SETBP1: variants seen among roughly 807,000 people sequenced by gnomAD.
SETBP1 encodes the protein SET-binding protein.
SETBP1 carries 9 observed loss-of-function variants against 101.0 expected under a neutral mutation model. The ratio of observed to expected loss-of-function variants is 0.09; its 90% confidence interval spans 0.05 to 0.16. The LOEUF (loss-of-function observed/expected upper bound fraction) is 0.16. SETBP1 is among the 10% of genes least tolerant of loss of function. SETBP1 has a pLI of 1.00. For missense variants in SETBP1, 1,858 were observed against 2,033.8 expected (o/e 0.91, Z 1.66); for synonymous variants, 818 against 788.5 (o/e 1.04, Z -0.63).
At chr18:44,792,734 C>T (rs763438697) in intron 2 of SETBP1, among the ~76,000 whole-genome samples, 12 of 152,170 alleles carry the variant, frequency 7.9e-5, no homozygotes, top group Non-Finnish European at 1.8e-4. Context: ...AGAAGTTTGC[C>T]TCCCACCTTT....
At chr18:45,035,046 C>T (rs2073369991) in intron 4 of SETBP1, among the ~76,000 whole-genome samples, 1 of 151,996 alleles carries the variant, frequency 6.6e-6, no homozygotes, top group Non-Finnish European at 1.5e-5. Flanking sequence ...TATCAGTCAC[C>T]ACCTGGAATG....
At chr18:44,731,758 G>A (rs530658186) in intron 2 of SETBP1, among the ~76,000 whole-genome samples, 4 of 152,140 alleles carry the variant, frequency 2.6e-5, no homozygotes, top group Admixed American at 6.5e-5. Flanking sequence ...TCTGCCACCC[G>A]ACAAACACGT....
intron 2 of SETBP1, among the ~76,000 whole-genome samples, chr18:44,795,759 A>C (rs7226442): frequency 3.9e-5 from 6 of 152,210 alleles, no homozygotes; most frequent in African/African-American, 1.2e-4. Context: ...ACATACATAC[A>C]CATGTGGCCT....
intron 4 of SETBP1, among the ~76,000 whole-genome samples, chr18:44,975,849 C>T (rs1001592875): frequency 1.3e-5 from 2 of 152,060 alleles, no homozygotes; most frequent in Non-Finnish European, 2.9e-5. Context: ...CTAATTTAAT[C>T]CCCTAAAATT....
chr18:45,032,522 A>G (rs1280805134), intron 4 of SETBP1, among the ~76,000 whole-genome samples: 7 of 152,178 alleles, frequency 4.6e-5, no homozygotes, highest in Non-Finnish European at 8.8e-5. Context: ...TCCTTCATTC[A>G]TCTCTTCACT....
chr18:44,903,860 C>A (rs2070109413), intron 3 of SETBP1, among the ~76,000 whole-genome samples: 2 of 152,172 alleles, frequency 1.3e-5, no homozygotes, highest in Admixed American at 1.3e-4. Flanking sequence ...TCTGGGAACT[C>A]TTTGAAACTT....
chr18:44,777,882 C>A (rs557127132), intron 2 of SETBP1, among the ~76,000 whole-genome samples: 3 of 152,230 alleles, frequency 2.0e-5, no homozygotes, highest in Non-Finnish European at 4.4e-5. Flanking sequence ...ATCAGAATGG[C>A]ACTGATTAGT....
rs202134217 is a variant in SETBP1, at chr18:44,701,327, G to T, written c.-20G>T. The T allele has an allele frequency of 1.4e-6, 2 of 1,464,978 alleles. No homozygotes were observed. Among genetic ancestry groups the T allele is most frequent in the South Asian group, 2.9e-5 (2 of 68,720 alleles). 90.7% of individuals were successfully genotyped at this position (1,464,978 alleles called of 1,614,324 possible). A position where few individuals can be genotyped will look rare whatever the true frequency, so the allele number is the denominator to read the frequency against. On this transcript the variant is annotated 5_prime_UTR_variant, in exon 2 of 6. Coordinates refer to ENST00000649279, the MANE Select transcript of SETBP1 (RefSeq NM_015559.3). ...TCCCCTTCCCCCTCCTGAGAACTCCGGAAGACTGTAGAGATTGTCATGGAG... is the reference window on the plus strand; with the variant it reads ...TCCCCTTCCCCCTCCTGAGAACTCCTGAAGACTGTAGAGATTGTCATGGAG...
intron 2 of SETBP1, among the ~76,000 whole-genome samples, chr18:44,830,556 T>C (rs1182793306): frequency 1.3e-5 from 2 of 152,324 alleles, no homozygotes; most frequent in South Asian, 4.1e-4. Context: ...GTTTCCTGTC[T>C]CTTTTTTGCC....
chr18:44,842,636 C>A (rs1289364365), intron 2 of SETBP1, among the ~76,000 whole-genome samples: 2 of 152,154 alleles, frequency 1.3e-5, no homozygotes, highest in African/African-American at 2.4e-5. Context: ...TCTACAGATT[C>A]GCAAAAGGGA....
intron 1 of SETBP1, among the ~76,000 whole-genome samples, chr18:44,690,243 A>G (rs1401369460): frequency 1.3e-5 from 2 of 152,254 alleles, no homozygotes; most frequent in South Asian, 2.1e-4. Context: ...TAATGACAGT[A>G]CAAGGTAGCT....
chr18:44,867,769 T>C (rs542748367), intron 2 of SETBP1, among the ~76,000 whole-genome samples: 67 of 152,290 alleles, frequency 4.4e-4, no homozygotes, highest in Admixed American at 2.1e-3. Context: ...TTTTACCTTC[T>C]CCACCTCTCT....
rs886053792 is a variant in SETBP1, at chr18:44,950,603, A to G, written c.1263A>G (p.Arg421=). 23 of 1,614,086 alleles carry G rather than the reference A, an allele frequency of 1.4e-5. 1 individual carries two copies. The East Asian group carries it at 3.3e-4, about 23-fold the overall frequency. Residue 421 remains arginine, a synonymous_variant, in exon 4 of 6, where the codon AGA becomes AGG. Coordinates refer to ENST00000649279, the MANE Select transcript of SETBP1 (RefSeq NM_015559.3). Reference sequence around the variant, plus strand: ...CAACCAACCATAAGAGGAAAAAAAGACAGTCCATTAAAGCGGTGGTGGAAA... The same window carrying G: ...CAACCAACCATAAGAGGAAAAAAAGGCAGTCCATTAAAGCGGTGGTGGAAA... ...LDPTNHKRKK[R]QSIKAVVEKI... is the part of the protein sequence containing the mutation.
intron 2 of SETBP1, among the ~76,000 whole-genome samples, chr18:44,797,615 C>A (rs1225359765): frequency 6.6e-6 from 1 of 152,118 alleles, no homozygotes; most frequent in Non-Finnish European, 1.5e-5. Flanking sequence ...AAAATGGTAG[C>A]TCTCTCTTGC....
chr18:45,016,802 C>G (rs1254265421), intron 4 of SETBP1, among the ~76,000 whole-genome samples: 1 of 150,906 alleles, frequency 6.6e-6, no homozygotes, highest in East Asian at 2.0e-4. Context: ...CCTACCTCCC[C>G]ACCTCCCCAC....
At chr18:44,972,344 G>T (rs1418562476) in intron 4 of SETBP1, among the ~76,000 whole-genome samples, 1 of 152,178 alleles carries the variant, frequency 6.6e-6, no homozygotes, top group Non-Finnish European at 1.5e-5. Flanking sequence ...GCTTAGGATT[G>T]ACTTGGCGAT....
chr18:44,704,577 A>G (rs148664383), intron 2 of SETBP1, among the ~76,000 whole-genome samples: 104 of 152,338 alleles, frequency 6.8e-4, no homozygotes, highest in African/African-American at 2.4e-3. Context: ...CAATTACTTG[A>G]TAGATGACAG....
chr18:45,036,194 G>A (rs1173627371), intron 4 of SETBP1, among the ~76,000 whole-genome samples: 1 of 152,014 alleles, frequency 6.6e-6, no homozygotes, highest in Non-Finnish European at 1.5e-5. Flanking sequence ...TTAGCCAGGT[G>A]TGGTGGCAGG....
chr18:44,776,303 A>G (rs1012950565), intron 2 of SETBP1, among the ~76,000 whole-genome samples: 1 of 152,186 alleles, frequency 6.6e-6, no homozygotes, highest in Non-Finnish European at 1.5e-5. Flanking sequence ...ACATCAGGCT[A>G]TAGAGCCCTC....
Sources: allele counts gnomAD v4.1 joint callset (sites outside exome capture counted in the v4.1 genomes callset), GRCh38; gene constraint gnomAD v4.1.1; transcripts MANE v1.5; gene names NCBI Gene and HGNC (gene_info 2026-07-23, HGNC 2026-07-21).